PARD3B: variants seen among roughly 807,000 people sequenced by gnomAD.
PARD3B encodes the protein par-3 family cell polarity regulator beta.
A neutral mutation model predicts 130.2 loss-of-function variants in PARD3B; 103 were observed. That is an observed-to-expected ratio of 0.79 (90% CI 0.67 to 0.93). The LOEUF (loss-of-function observed/expected upper bound fraction) is 0.93. Ranked by LOEUF, PARD3B falls within the 40% of genes least tolerant of loss-of-function variation. The pLI, the probability that PARD3B is intolerant of heterozygous loss-of-function variation, is 0.00. For synonymous variants in PARD3B, 583 were observed against 553.2 expected, an observed-to-expected ratio of 1.05 and a Z score of -0.76; for missense variants, 1,609 against 1,499.2, an observed-to-expected ratio of 1.07 and a Z score of -1.21.
At chr2:205,196,643 A>G (rs1208787217) in intron 15 of PARD3B, among the ~76,000 whole-genome samples, 1 of 152,124 alleles carries the variant, frequency 6.6e-6, no homozygotes, top group Non-Finnish European at 1.5e-5. Context: ...ACTCTATCAT[A>G]TATTTTTATC....
At chr2:205,417,795 A>G (rs1384520106) in intron 19 of PARD3B, among the ~76,000 whole-genome samples, 2 of 152,190 alleles carry the variant, frequency 1.3e-5, no homozygotes, top group African/African-American at 2.4e-5. Flanking sequence ...TCTGCTCTGC[A>G]TTTAGCAGTT....
chr2:205,064,886 A>G (rs1700270441), intron 4 of PARD3B, among the ~76,000 whole-genome samples: 2 of 152,180 alleles, frequency 1.3e-5, no homozygotes, highest in South Asian at 4.1e-4. Flanking sequence ...ATTTGAAAGC[A>G]CTGTTTCTCA....
chr2:204,700,037 A>G (rs567309448), intron 2 of PARD3B, among the ~76,000 whole-genome samples: 2 of 152,134 alleles, frequency 1.3e-5, no homozygotes, highest in African/African-American at 2.4e-5. Context: ...TTCCTGCCAC[A>G]TTGATACTTG....
intron 1 of PARD3B, among the ~76,000 whole-genome samples, chr2:204,626,032 C>T (rs2034475074): frequency 6.6e-6 from 1 of 152,094 alleles, no homozygotes. Context: ...ATATTTCTGG[C>T]ATAAAGACTC....
At chr2:205,039,352 G>A (rs978275621) in intron 3 of PARD3B, among the ~76,000 whole-genome samples, 3 of 152,168 alleles carry the variant, frequency 2.0e-5, no homozygotes, top group Admixed American at 6.5e-5. Flanking sequence ...TACCAGATAT[G>A]TCCTTGTGAC....
chr2:204,834,431 A>G (rs977369558), intron 2 of PARD3B, among the ~76,000 whole-genome samples: 5 of 152,316 alleles, frequency 3.3e-5, no homozygotes, highest in Middle Eastern at 3.4e-3. Flanking sequence ...ATTGAAGCAA[A>G]TGTCTGCCAA....
At chr2:204,717,520 T>G (rs1351488026) in intron 2 of PARD3B, among the ~76,000 whole-genome samples, 2 of 152,190 alleles carry the variant, frequency 1.3e-5, no homozygotes, top group Non-Finnish European at 2.9e-5. Context: ...TCAGCTAGTT[T>G]AGGTGTCTGG....
intron 3 of PARD3B, among the ~76,000 whole-genome samples, chr2:205,026,285 A>G (rs908494177): frequency 1.3e-5 from 2 of 152,196 alleles, no homozygotes; most frequent in Non-Finnish European, 2.9e-5. Context: ...AAAGATAGAG[A>G]GCCAAGGAGG....
chr2:205,039,241 G>C (rs1424934623), intron 3 of PARD3B, among the ~76,000 whole-genome samples: 1 of 152,058 alleles, frequency 6.6e-6, no homozygotes, highest in Non-Finnish European at 1.5e-5. Flanking sequence ...AGTATTGATG[G>C]GAGTAATAGC....
intron 1 of PARD3B, among the ~76,000 whole-genome samples, chr2:204,647,333 A>G (rs1001940183): frequency 6.6e-6 from 1 of 151,604 alleles, no homozygotes; most frequent in Non-Finnish European, 1.5e-5. Context: ...TATTCTGCAT[A>G]TCTGTCCTTT....
chr2:205,367,400 G>A (rs2044650055), intron 18 of PARD3B, among the ~76,000 whole-genome samples: 1 of 152,248 alleles, frequency 6.6e-6, no homozygotes, highest in South Asian at 2.1e-4. Flanking sequence ...ACTAAAGCAT[G>A]CAGGATTTAA....
chr2:204,793,551 A>G (rs2042267840), intron 2 of PARD3B, among the ~76,000 whole-genome samples: 1 of 152,100 alleles, frequency 6.6e-6, no homozygotes, highest in Non-Finnish European at 1.5e-5. Flanking sequence ...ACTGTCACCC[A>G]GGCTGGAGTG....
At chr2:205,175,556 C>T (rs971937691) in intron 12 of PARD3B, among the ~76,000 whole-genome samples, 5 of 152,192 alleles carry the variant, frequency 3.3e-5, no homozygotes, top group Middle Eastern at 3.2e-3. Context: ...ATGCTATACT[C>T]AGAAGAGCTC....
At chr2:204,991,904 A>G (rs370105665) in intron 3 of PARD3B, among the ~76,000 whole-genome samples, 9 of 150,002 alleles carry the variant, frequency 6.0e-5, no homozygotes, top group African/African-American at 1.5e-4. Context: ...CATGTCCTTC[A>G]CCCACTTTTT....
At position 205,243,121 on chromosome 2, in the gene PARD3B, G is replaced by A. The variant is rs1490785539; in HGVS notation, c.2141-2657G>A. On this transcript the variant is annotated intron_variant, in intron 15 of 22. Coordinates refer to ENST00000406610, the MANE Select transcript of PARD3B (RefSeq NM_001302769.2). ...GTGGAGGTTGCAGTGAGACGAGATC[G>A]TGCCATTGCACTTTAGCCTGGGCAA... 2.6e-5 allele frequency among the ~76,000 whole-genome samples: 4 copies of A among 151,938 alleles called. 1 individual carries two copies. Among genetic ancestry groups the A allele is most frequent in the Non-Finnish European group, 4.4e-5 (3 of 67,992 alleles).
chr2:204,803,695 A>T (rs1034167567), intron 2 of PARD3B, among the ~76,000 whole-genome samples: 3 of 152,146 alleles, frequency 2.0e-5, no homozygotes, highest in African/African-American at 7.2e-5. Flanking sequence ...CCTCAAATCA[A>T]AAAACCTACA....
Position 205,057,221 on chromosome 2 carries a change from A to G in PARD3B, c.504+9531A>G, listed in dbSNP as rs532458200. Among the ~76,000 whole-genome samples, 7 of 150,830 alleles carry G rather than the reference A, an allele frequency of 4.6e-5. No individual in the cohort carries two copies. In the East Asian group the frequency reaches 1.4e-3, roughly 29 times the overall value. Reference sequence around the variant, plus strand: ...ATATTTACAAATCCTGACCTTATGTATGTATATGTGTTATATACATATACA... The same window carrying G: ...ATATTTACAAATCCTGACCTTATGTGTGTATATGTGTTATATACATATACA... On this transcript the variant is annotated intron_variant, in intron 4 of 22. Coordinates refer to ENST00000406610, the MANE Select transcript of PARD3B (RefSeq NM_001302769.2).
At chr2:205,356,657 G>A (rs1231120284) in intron 18 of PARD3B, among the ~76,000 whole-genome samples, 2 of 152,136 alleles carry the variant, frequency 1.3e-5, no homozygotes, top group African/African-American at 2.4e-5. Flanking sequence ...TTGGGAGGCC[G>A]AGATGGGCAG....
Position 204,890,181 on chromosome 2 carries a change from T to G in PARD3B, c.223-74971T>G, listed in dbSNP as rs1351726832. On this transcript the variant is annotated intron_variant, in intron 2 of 22. Coordinates refer to ENST00000406610, the MANE Select transcript of PARD3B (RefSeq NM_001302769.2). The surrounding 1 kb of genome is among the most constrained non-coding windows in gnomAD (Gnocchi z 4.9). ...CACTGCAATCCATCTGGCCCCTGGCTGGCAGTCTAGGCACAGTGTCAATGC... is the reference window on the plus strand; with the variant it reads ...CACTGCAATCCATCTGGCCCCTGGCGGGCAGTCTAGGCACAGTGTCAATGC... 6.6e-6 allele frequency among the ~76,000 whole-genome samples: 1 copy of G among 152,232 alleles called. No individual in the cohort carries two copies. Among genetic ancestry groups the G allele is most frequent in the Non-Finnish European group, 1.5e-5 (1 of 68,026 alleles).
Sources: gnomAD v4.1 joint callset for allele counts (sites outside exome capture counted in the v4.1 genomes callset) on GRCh38, gnomAD v4.1.1 for gene constraint, Gnocchi (gnomAD v3.1) non-coding constraint, MANE v1.5 for transcripts, NCBI Gene and HGNC (gene_info 2026-07-23, HGNC 2026-07-21) for gene names.